Variants in MAU2 observed in about 807,000 individuals in gnomAD.
The protein encoded by MAU2 is MAU2 chromatid cohesion factor homolog.
A neutral mutation model predicts 89.1 loss-of-function variants in MAU2; 9 were observed. That is an observed-to-expected ratio of 0.10 (90% CI 0.06 to 0.18). The LOEUF is 0.18. MAU2 is among the 10% of genes least tolerant of loss of function. The pLI is 1.00. For missense variants in MAU2, 425 were observed against 803.5 expected, an observed-to-expected ratio of 0.53 and a Z score of 5.69; for synonymous variants, 357 against 343.4, an observed-to-expected ratio of 1.04 and a Z score of -0.44.
chr19:19,346,423 A>G (rs985978336), intron 12 of MAU2, among the ~76,000 whole-genome samples: 3 of 152,052 alleles, frequency 2.0e-5, no homozygotes, highest in Non-Finnish European at 4.4e-5. Flanking sequence ...GCCAAAAGAG[A>G]GCCTCTTTTT....
intron 13 of MAU2, 128 bp downstream of exon 13, chr19:19,347,494 G>A (rs1599921455): frequency 8.7e-6 from 6 of 693,350 alleles, no homozygotes; most frequent in South Asian, 3.7e-5. Context: ...AGGGATGGGC[G>A]GCACCCGACA....
Position 19,342,882 on chromosome 19 carries a change from G to C in MAU2, c.973+16G>C. The C allele has an allele frequency of 6.2e-7, 1 of 1,613,056 alleles. No individual in the cohort carries two copies. Among genetic ancestry groups the C allele is most frequent in the South Asian group, 1.1e-5 (1 of 91,042 alleles). The stretch of plus-strand genomic sequence containing the variant: ...AAGCTCAAGAGTAAGTCAGGTGCTC[G>C]GCTGGCCACATGGCCACAGCGACCC... On this transcript the variant is annotated intron_variant, in intron 9 of 18. Coordinates refer to ENST00000262815, the MANE Select transcript of MAU2 (RefSeq NM_015329.4).
chr19:19,329,684 T>A (rs1268112850), intron 1 of MAU2, among the ~76,000 whole-genome samples: 4 of 151,202 alleles, frequency 2.6e-5, no homozygotes, highest in East Asian at 1.9e-4. Context: ...AAAAAAAAAA[T>A]GATTTTGAGC....
chr19:19,333,159 C>T (rs74980519), intron 1 of MAU2, among the ~76,000 whole-genome samples: 1 of 151,970 alleles, frequency 6.6e-6, no homozygotes, highest in East Asian at 1.9e-4. Flanking sequence ...TTGATGTTAG[C>T]CACATCATGG....
At chr19:19,342,094 C>G (rs1180289820) in intron 7 of MAU2, among the ~76,000 whole-genome samples, 1 of 152,204 alleles carries the variant, frequency 6.6e-6, no homozygotes, top group African/African-American at 2.4e-5. Flanking sequence ...ACGCTTCCCT[C>G]AGGGTGCAAG....
intron 1 of MAU2, chr19:19,329,090 G>A (rs2061534131): frequency 2.2e-6 from 1 of 455,898 alleles, no homozygotes; most frequent in Non-Finnish European, 4.4e-6. Flanking sequence ...CTCAGCAAGT[G>A]ATTAAATGCT....
intron 16 of MAU2, among the ~76,000 whole-genome samples, chr19:19,349,964 C>G (rs1484849361): frequency 6.7e-6 from 1 of 148,460 alleles, no homozygotes; most frequent in Non-Finnish European, 1.5e-5. Context: ...ACTGATCTCA[C>G]GAGGTCTTGA....
chr19:19,333,353 G>A (rs956413973), intron 1 of MAU2, among the ~76,000 whole-genome samples: 2 of 152,200 alleles, frequency 1.3e-5, no homozygotes, highest in Non-Finnish European at 2.9e-5. Context: ...AGACGTGGTG[G>A]TTCGCACCAG....
At position 19,354,372 on chromosome 19, in the gene MAU2, G is replaced by T; in HGVS notation, c.1566G>T (p.Val522=). The change falls in exon 17 of 19, where the codon GTG becomes GTT. Residue 522 remains valine, a synonymous_variant. Coordinates refer to ENST00000262815, the MANE Select transcript of MAU2 (RefSeq NM_015329.4). ...LGNHRESNNM[V]VPAMQLASKI... is the part of the protein sequence containing the mutation. ...GTTGACAGGAGAGTAACAACATGGT[G>T]GTGCCTGCCATGCAGCTCGCCAGCA... is the stretch of plus-strand genomic sequence containing the variant. 1 of 1,613,984 alleles carries T rather than the reference G, an allele frequency of 6.2e-7. No individual in the cohort carries two copies. The highest frequency in any genetic ancestry group is 8.5e-7 in the Non-Finnish European group (1 of 1,179,948).
Position 19,320,856 on chromosome 19 carries a change from C to T in MAU2, c.-4C>T. ...GGCGGCGGCTTGTTGTTGTGGAGGC[C>T]AAAATGGCGGCTCAGGCGGCGGCAG... On this transcript the variant is annotated 5_prime_UTR_variant, in exon 1 of 19. Transcript: ENST00000262815. The T allele has an allele frequency of 2.0e-6, 3 of 1,523,568 alleles. No individual in the cohort carries two copies. Among genetic ancestry groups the T allele is most frequent in the South Asian group, 1.3e-5 (1 of 78,054 alleles). 94.4% of individuals were successfully genotyped at this position (1,523,568 alleles called of 1,614,324 possible). A position where few individuals can be genotyped will look rare whatever the true frequency, so the allele number is the denominator to read the frequency against.
At chr19:19,327,869 G>T (rs753000558) in intron 1 of MAU2, among the ~76,000 whole-genome samples, 11 of 152,078 alleles carry the variant, frequency 7.2e-5, no homozygotes, top group Non-Finnish European at 1.3e-4. Context: ...AGTGATGTGG[G>T]TGTGTTTTGG....
rs993985814 is a variant in MAU2, at chr19:19,320,925, C to A, written c.66C>A (p.Ala22=). ...AAAQAAQAEA[A]DSWYLALLGF... ...CCCAGGCTGCGCAGGCCGAGGCGGCCGACTCGTGGTACCTGGCGCTTCTGG... is the reference window on the plus strand; with the variant it reads ...CCCAGGCTGCGCAGGCCGAGGCGGCAGACTCGTGGTACCTGGCGCTTCTGG... Residue 22 remains alanine (A), a synonymous_variant, in exon 1 of 19, where the codon GCC becomes GCA. Transcript: ENST00000262815. 4 of 1,563,760 alleles carry A rather than the reference C, an allele frequency of 2.6e-6. No individual in the cohort carries two copies. The highest frequency in any genetic ancestry group is 1.9e-4 in the Middle Eastern group (1 of 5,400).
chr19:19,334,535 C>T, intron 1 of MAU2: 2 of 985,686 alleles, frequency 2.0e-6, no homozygotes, highest in Non-Finnish European at 2.4e-6. Context: ...CTCACTGGCT[C>T]CTCCGCACTC....
At position 19,347,360 on chromosome 19, in the gene MAU2, A is replaced by G; in HGVS notation, c.1302A>G (p.Gln434=). ...ATATACGGGAAGGAAATAGACACCA[A>G]GAGGTAGTAGGTGACATGCTTCATG... The part of the protein sequence containing the change: ...SVYIREGNRH[Q]EVLYSLLERI... Residue 434 remains glutamine, a synonymous_variant, in exon 13 of 19, where the codon CAA becomes CAG. Transcript: ENST00000262815. The G allele has an allele frequency of 6.2e-7, 1 of 1,612,170 alleles. No homozygotes were observed. The highest frequency in any genetic ancestry group is 1.3e-5 in the African/African-American group (1 of 74,986).
intron 1 of MAU2, chr19:19,328,990 C>T: frequency 2.2e-6 from 1 of 454,092 alleles, no homozygotes; most frequent in South Asian, 1.6e-5. Context: ...GGTGGTTTTG[C>T]TCATCTGACT....
intron 13 of MAU2, 33 bp from the exon 14 acceptor site, chr19:19,348,856 C>T (rs1190099538): frequency 1.1e-5 from 17 of 1,611,398 alleles, no homozygotes; most frequent in Non-Finnish European, 1.3e-5. Context: ...TGTGAAGATG[C>T]AGAATGGTGC....
intron 1 of MAU2, among the ~76,000 whole-genome samples, chr19:19,331,973 T>C (rs2061558854): frequency 6.6e-6 from 1 of 152,216 alleles, no homozygotes; most frequent in African/African-American, 2.4e-5. Context: ...GGGCTTTGTG[T>C]CTGAAAGGCA....
At chr19:19,348,752 TG>T in intron 13 of MAU2, 136 bp from the exon 14 acceptor site, 2 of 929,058 alleles carry the variant, frequency 2.2e-6, no homozygotes, top group Non-Finnish European at 3.5e-6. Context: ...CTGCTCTTGC[TG>T]GTCAGTCACC....
chr19:19,341,944 C>T (rs1469504650), intron 7 of MAU2, among the ~76,000 whole-genome samples: 1 of 152,154 alleles, frequency 6.6e-6, no homozygotes, highest in East Asian at 1.9e-4. Flanking sequence ...CACTCAGACC[C>T]ACCCCTGTCG....
Sources: allele counts gnomAD v4.1 joint callset (sites outside exome capture counted in the v4.1 genomes callset), GRCh38; gene constraint gnomAD v4.1.1; transcripts MANE v1.5; gene names NCBI Gene and HGNC (gene_info 2026-07-23, HGNC 2026-07-21).